The following ZRANB3 variants were observed in gnomAD, a reference collection of about 807,000 sequenced individuals.
ZRANB3 encodes the protein zinc finger RANBP2-type containing 3.
Under a neutral mutation model 133.8 loss-of-function variants are expected in ZRANB3, and 125 were observed. The ratio of observed to expected loss-of-function variants is 0.93; its 90% CI spans 0.81 to 1.08. ZRANB3 has a LOEUF of 1.08. Among genes scored for constraint, ZRANB3 ranks in the 50% least tolerant of loss-of-function variants. The pLI, the probability that ZRANB3 is intolerant of heterozygous loss-of-function variation, is 0.00. For missense variants in ZRANB3, 1,229 were observed against 1,275.5 expected (o/e 0.96, Z 0.56); for synonymous variants, 387 against 432.7 (o/e 0.89, Z 1.31).
intron 1 of ZRANB3, among the ~76,000 whole-genome samples, chr2:135,504,835 G>T (rs1003627042): frequency 6.6e-6 from 1 of 151,816 alleles, no homozygotes. Flanking sequence ...TTAAAATAAG[G>T]GATGAATCTG....
intron 12 of ZRANB3, among the ~76,000 whole-genome samples, chr2:135,241,192 T>A (rs946831088): frequency 6.6e-6 from 1 of 152,138 alleles, no homozygotes. Context: ...ATTAGTAGAA[T>A]GTTAGACTTA....
At chr2:135,393,828 T>C (rs1687352836) in intron 2 of ZRANB3, among the ~76,000 whole-genome samples, 1 of 152,092 alleles carries the variant, frequency 6.6e-6, no homozygotes, top group Admixed American at 6.5e-5. Context: ...CAACAGGATC[T>C]AAACTAACTG....
intron 11 of ZRANB3, among the ~76,000 whole-genome samples, chr2:135,268,155 A>AC (rs1680334281): frequency 6.7e-6 from 1 of 150,238 alleles, no homozygotes; most frequent in African/African-American, 2.5e-5. Flanking sequence ...AAATAATCTA[A>AC]CCCTTTTTTT....
chr2:135,265,773 T>C, intron 11 of ZRANB3, 87 bp from the exon 12 acceptor site: 1 of 1,359,076 alleles, frequency 7.4e-7, no homozygotes. Flanking sequence ...ATTTAAATCA[T>C]AAGCTACCCA....
intron 8 of ZRANB3, among the ~76,000 whole-genome samples, chr2:135,282,108 A>G (rs1248384618): frequency 6.6e-6 from 1 of 151,906 alleles, no homozygotes; most frequent in Non-Finnish European, 1.5e-5. Flanking sequence ...CAGTTGATAT[A>G]CTCTCTTATT....
At chr2:135,331,891 T>C (rs1182890871) in intron 6 of ZRANB3, among the ~76,000 whole-genome samples, 1 of 152,130 alleles carries the variant, frequency 6.6e-6, no homozygotes, top group Non-Finnish European at 1.5e-5. Flanking sequence ...AAGAAAATGT[T>C]TTTTTCTATG....
chr2:135,391,307 A>G (rs1233111366), intron 2 of ZRANB3, among the ~76,000 whole-genome samples: 1 of 152,200 alleles, frequency 6.6e-6, no homozygotes, highest in African/African-American at 2.4e-5. Flanking sequence ...CCAAAGGCAT[A>G]TGGCTACGTG....
At chr2:135,220,046 T>C (rs1210774396) in intron 15 of ZRANB3, among the ~76,000 whole-genome samples, 1 of 151,980 alleles carries the variant, frequency 6.6e-6, no homozygotes, top group African/African-American at 2.4e-5. Flanking sequence ...TAATTTTTTA[T>C]ATTTTTTGTA....
chr2:135,422,290 A>G (rs2104970821), intron 2 of ZRANB3, among the ~76,000 whole-genome samples: 1 of 152,170 alleles, frequency 6.6e-6, no homozygotes. Context: ...GTGAGGCTTT[A>G]TCCCCTACTA....
At chr2:135,296,805 G>A (rs777852705) in intron 8 of ZRANB3, among the ~76,000 whole-genome samples, 9 of 152,248 alleles carry the variant, frequency 5.9e-5, no homozygotes, top group African/African-American at 1.2e-4. Context: ...AGTCAGGACC[G>A]TCAGCTGCAG....
At chr2:135,529,428 A>G (rs1694303056) in intron 1 of ZRANB3, among the ~76,000 whole-genome samples, 1 of 152,068 alleles carries the variant, frequency 6.6e-6, no homozygotes, top group Admixed American at 6.6e-5. Flanking sequence ...GTGGCCGATG[A>G]ATAAAGGCAT....
chr2:135,406,346 A>G (rs1244983711), intron 2 of ZRANB3, among the ~76,000 whole-genome samples: 1 of 152,190 alleles, frequency 6.6e-6, no homozygotes, highest in Non-Finnish European at 1.5e-5. Context: ...TACCAACCAA[A>G]AAAAGCCCAG....
intron 2 of ZRANB3, among the ~76,000 whole-genome samples, chr2:135,461,693 T>C (rs1298143780): frequency 6.6e-6 from 1 of 152,172 alleles, no homozygotes; most frequent in East Asian, 1.9e-4. Flanking sequence ...GAAAACACTG[T>C]ACCTGGACTA....
intron 2 of ZRANB3, among the ~76,000 whole-genome samples, chr2:135,489,598 G>A (rs575717121): frequency 6.6e-6 from 1 of 151,716 alleles, no homozygotes; most frequent in South Asian, 2.1e-4. Context: ...TCAAAAAGAT[G>A]AAGAAATAAA....
intron 12 of ZRANB3, among the ~76,000 whole-genome samples, chr2:135,243,649 T>G (rs1695654197): frequency 6.6e-6 from 1 of 152,220 alleles, no homozygotes; most frequent in South Asian, 2.1e-4. Flanking sequence ...AGCAGGTTCT[T>G]TCTTTGTCAC....
At chr2:135,364,884 AC>A (rs1685858199) in intron 3 of ZRANB3, among the ~76,000 whole-genome samples, 1 of 152,098 alleles carries the variant, frequency 6.6e-6, no homozygotes, top group South Asian at 2.1e-4. Flanking sequence ...CCCCGTCTCT[AC>A]TAAAAATACA....
chr2:135,346,388 C>T (rs1331579113), intron 5 of ZRANB3, among the ~76,000 whole-genome samples: 1 of 152,204 alleles, frequency 6.6e-6, no homozygotes, highest in Admixed American at 6.5e-5. Context: ...GCATGAGCCA[C>T]CACGCCCAGC....
At chr2:135,412,067 G>T (rs997822497) in intron 2 of ZRANB3, among the ~76,000 whole-genome samples, 1 of 152,056 alleles carries the variant, frequency 6.6e-6, no homozygotes, top group African/African-American at 2.4e-5. Context: ...GGTATGTTTT[G>T]TGAATGACTA....
chr2:135,349,285 C>A (rs1168709202), intron 5 of ZRANB3, among the ~76,000 whole-genome samples: 1 of 152,150 alleles, frequency 6.6e-6, no homozygotes, highest in Non-Finnish European at 1.5e-5. Context: ...AGCAGTATTA[C>A]CTTTAATTCT....
Sources: gnomAD v4.1 joint callset for allele counts (sites outside exome capture counted in the v4.1 genomes callset) on GRCh38, gnomAD v4.1.1 for gene constraint, MANE v1.5 for transcripts, NCBI Gene and HGNC (gene_info 2026-07-23, HGNC 2026-07-21) for gene names.